Variants in MYO1B observed in about 807,000 individuals in gnomAD.
MYO1B encodes the protein unconventional myosin-Ib.
Under a neutral mutation model 159.7 loss-of-function variants are expected in MYO1B, and 72 were observed. That is an observed-to-expected ratio of 0.45 (90% CI 0.37 to 0.55). The LOEUF is 0.55. MYO1B is among the 20% of genes least tolerant of loss of function. The pLI, the probability that MYO1B is intolerant of heterozygous loss-of-function variation, is 0.00. For synonymous variants in MYO1B, 468 were observed against 473.8 expected, an observed-to-expected ratio of 0.99 and a Z score of 0.16; for missense variants, 1,062 against 1,364.8, an observed-to-expected ratio of 0.78 and a Z score of 3.50.
intron 2 of MYO1B, among the ~76,000 whole-genome samples, chr2:191,277,250 A>G (rs1040206836): frequency 6.6e-6 from 1 of 152,164 alleles, no homozygotes; most frequent in Admixed American, 6.5e-5. Flanking sequence ...GTGTGCAAGT[A>G]TTGTAGTGGG....
intron 5 of MYO1B, among the ~76,000 whole-genome samples, chr2:191,345,393 A>C (rs551876915): frequency 6.6e-6 from 1 of 152,328 alleles, no homozygotes; most frequent in South Asian, 2.1e-4. Flanking sequence ...GGCCCAGGTT[A>C]ACTTGCTCCT....
At chr2:191,335,157 G>A (rs952661186) in intron 4 of MYO1B, among the ~76,000 whole-genome samples, 3 of 152,134 alleles carry the variant, frequency 2.0e-5, no homozygotes, top group Admixed American at 1.3e-4. Flanking sequence ...GGTGGATACC[G>A]CTCCTGAGAG....
At chr2:191,411,743 CAGAAAA>C in intron 27 of MYO1B, among the ~76,000 whole-genome samples, 1 of 152,110 alleles carries the variant, frequency 6.6e-6, no homozygotes, top group East Asian at 1.9e-4. Flanking sequence ...ACCGTGGACT[CAGAAAA>C]AGAAGGAACA....
intron 17 of MYO1B, among the ~76,000 whole-genome samples, chr2:191,389,561 T>C (rs1327656186): frequency 6.6e-6 from 1 of 152,148 alleles, no homozygotes; most frequent in Non-Finnish European, 1.5e-5. Flanking sequence ...CTGTCCCTTC[T>C]TCTAAGAACA....
chr2:191,366,827 C>G (rs1316640957), intron 11 of MYO1B, among the ~76,000 whole-genome samples: 1 of 151,838 alleles, frequency 6.6e-6, no homozygotes. Context: ...CTTCTTTGAT[C>G]AAATAGGCCT....
chr2:191,301,848 T>A (rs1305630386), intron 3 of MYO1B, among the ~76,000 whole-genome samples: 1 of 152,226 alleles, frequency 6.6e-6, no homozygotes, highest in East Asian at 1.9e-4. Flanking sequence ...CTTGCAGCAG[T>A]TGATGCAGTT....
intron 3 of MYO1B, among the ~76,000 whole-genome samples, chr2:191,304,004 T>C: frequency 6.6e-6 from 1 of 152,338 alleles, no homozygotes; most frequent in Non-Finnish European, 1.5e-5. Flanking sequence ...GCACTGTGTT[T>C]GTTGTCAGTC....
intron 2 of MYO1B, among the ~76,000 whole-genome samples, chr2:191,290,841 CT>C (rs1481878701): frequency 2.6e-5 from 4 of 152,114 alleles, no homozygotes; most frequent in Admixed American, 1.3e-4. Flanking sequence ...TGTTTCAGAA[CT>C]AGTTCCATAG....
intron 20 of MYO1B, among the ~76,000 whole-genome samples, chr2:191,395,883 C>T (rs1456899440): frequency 6.6e-6 from 1 of 152,146 alleles, no homozygotes; most frequent in Non-Finnish European, 1.5e-5. Flanking sequence ...TCCTCATGGT[C>T]CTATTAAAAG....
At chr2:191,356,059 C>T (rs1463900528) in intron 7 of MYO1B, among the ~76,000 whole-genome samples, 1 of 152,022 alleles carries the variant, frequency 6.6e-6, no homozygotes, top group Non-Finnish European at 1.5e-5. Flanking sequence ...CAGCTTTGTT[C>T]TTCCTTTTAT....
Position 191,409,114 on chromosome 2 carries a change from C to T in MYO1B, c.2702C>T (p.Ser901Leu). 1 of 1,613,372 alleles carries T rather than the reference C, an allele frequency of 6.2e-7. No homozygotes were observed. The highest frequency in any genetic ancestry group is 1.3e-5 in the African/African-American group (1 of 75,012). Reference sequence around the variant, plus strand: ...TCTCCAATAGACAAGAATTGGCCCTCAAGACCTTACTTATTCTTGGATTCT... The same window carrying T: ...TCTCCAATAGACAAGAATTGGCCCTTAAGACCTTACTTATTCTTGGATTCT... ...SLSPIDKNWP[S>L]RPYLFLDSTH... The change falls in exon 26 of 31, where the codon TCA (serine) becomes TTA (leucine). Residue 901 changes from serine (S) to leucine (L), a missense_variant. Ser to Leu is a moderately radical substitution (Grantham distance 145). Coordinates refer to ENST00000392318, the MANE Select transcript of MYO1B (RefSeq NM_001130158.3).
intron 30 of MYO1B, among the ~76,000 whole-genome samples, chr2:191,423,067 G>A (rs183339652): frequency 4.6e-5 from 7 of 152,258 alleles, no homozygotes; most frequent in Admixed American, 4.6e-4. Flanking sequence ...GAAATGCTTG[G>A]GACAAGAAGT....
At chr2:191,355,950 T>C (rs1358149225) in intron 7 of MYO1B, among the ~76,000 whole-genome samples, 1 of 152,228 alleles carries the variant, frequency 6.6e-6, no homozygotes, top group Non-Finnish European at 1.5e-5. Context: ...TATACCTTCA[T>C]GTGCTATCTC....
At chr2:191,361,072 ATTC>A (rs1693641281) in intron 8 of MYO1B, among the ~76,000 whole-genome samples, 1 of 152,132 alleles carries the variant, frequency 6.6e-6, no homozygotes, top group Non-Finnish European at 1.5e-5. Context: ...TTTGTGTAAT[ATTC>A]TTGTACCTCA....
At chr2:191,370,425 C>A in intron 13 of MYO1B, 133 bp downstream of exon 13, 1 of 664,182 alleles carries the variant, frequency 1.5e-6, no homozygotes, top group Non-Finnish European at 2.6e-6. Flanking sequence ...ATGTAACACA[C>A]TATCACTTTG....
At chr2:191,284,664 G>T (rs779365335) in intron 2 of MYO1B, among the ~76,000 whole-genome samples, 3 of 152,018 alleles carry the variant, frequency 2.0e-5, no homozygotes, top group Admixed American at 6.6e-5. Context: ...ACAGAGTCTA[G>T]CTCTGTCCCC....
intron 1 of MYO1B, among the ~76,000 whole-genome samples, chr2:191,275,132 C>T (rs1328652531): frequency 6.6e-6 from 1 of 152,082 alleles, no homozygotes; most frequent in Non-Finnish European, 1.5e-5. Flanking sequence ...TCTTGAACTC[C>T]TGACCTCATG....
At chr2:191,259,499 A>G (rs1686667621) in intron 1 of MYO1B, among the ~76,000 whole-genome samples, 1 of 152,198 alleles carries the variant, frequency 6.6e-6, no homozygotes, top group Non-Finnish European at 1.5e-5. Context: ...ATAGTATTTG[A>G]AATAAATTTT....
chr2:191,349,098 A>G (rs935810616), intron 6 of MYO1B, among the ~76,000 whole-genome samples: 2 of 152,186 alleles, frequency 1.3e-5, no homozygotes, highest in African/African-American at 4.8e-5. Context: ...CCTAGACTGG[A>G]ATATCCAGTT....
Sources: allele counts gnomAD v4.1 joint callset (sites outside exome capture counted in the v4.1 genomes callset), GRCh38; gene constraint gnomAD v4.1.1; transcripts MANE v1.5; gene names NCBI Gene and HGNC (gene_info 2026-07-23, HGNC 2026-07-21).